Variants in FAM227B observed in about 807,000 individuals in gnomAD.
FAM227B encodes protein FAM227B.
Under a neutral mutation model 73.8 loss-of-function variants are expected in FAM227B, and 88 were observed. The observed-to-expected ratio is 1.19, with a 90% CI of 1.00 to 1.42. FAM227B has a LOEUF of 1.42. Among genes scored for constraint, FAM227B ranks in the 40% most tolerant of loss-of-function variants. The pLI, the probability that FAM227B is intolerant of heterozygous loss-of-function variation, is 0.00. For synonymous variants in FAM227B, 210 were observed against 190.5 expected (o/e 1.10, Z -0.84); for missense variants, 632 against 590.9 (o/e 1.07, Z -0.72).
At chr15:49,458,318 C>A (rs895559013) in intron 11 of FAM227B, among the ~76,000 whole-genome samples, 1 of 151,974 alleles carries the variant, frequency 6.6e-6, no homozygotes, top group African/African-American at 2.4e-5. Context: ...TTTAAATAGT[C>A]ATAATCCACA....
rs754598196 is a variant in FAM227B, at chr15:49,327,993, G to A, written c.*575C>T. On this transcript the variant is annotated 3_prime_UTR_variant, in exon 16 of 16. Transcript: ENST00000299338. ...GGGTCACGACTTACTGGAGCAGGAT[G>A]GGGAGGCTGCACAGTATCAATGGTA... 1 of 1,613,740 alleles carries A rather than the reference G, an allele frequency of 6.2e-7. No individual in the cohort carries two copies. Among genetic ancestry groups the A allele is most frequent in the African/African-American group, 1.3e-5 (1 of 74,894 alleles).
At chr15:49,386,972 A>AT (rs1224523408) in intron 11 of FAM227B, among the ~76,000 whole-genome samples, 1 of 151,896 alleles carries the variant, frequency 6.6e-6, no homozygotes, top group Non-Finnish European at 1.5e-5. Context: ...GAAAAGACTA[A>AT]TAAGAAGCAG....
At chr15:49,371,261 A>T (rs1197980077) in intron 12 of FAM227B, 41 bp downstream of exon 12, 2 of 1,248,762 alleles carry the variant, frequency 1.6e-6, no homozygotes, top group Non-Finnish European at 2.3e-6. Context: ...ATTGCAAATT[A>T]AACAAGTAAG....
intron 13 of FAM227B, among the ~76,000 whole-genome samples, chr15:49,361,295 A>G (rs1016980155): frequency 6.6e-6 from 1 of 152,102 alleles, no homozygotes; most frequent in Non-Finnish European, 1.5e-5. Context: ...GGTTTGTTAC[A>G]TAGGTAAATT....
At chr15:49,394,474 G>A (rs1018552938) in intron 11 of FAM227B, among the ~76,000 whole-genome samples, 1 of 152,102 alleles carries the variant, frequency 6.6e-6, no homozygotes, top group Non-Finnish European at 1.5e-5. Flanking sequence ...TAGGTGCATG[G>A]GAGAAATAAA....
chr15:49,401,881 C>T (rs1249219212), intron 11 of FAM227B, among the ~76,000 whole-genome samples: 25 of 134,990 alleles, frequency 1.9e-4, no homozygotes, highest in South Asian at 1.1e-3. Flanking sequence ...GGGATAGCAT[C>T]GGGAGATATA....
chr15:49,448,862 A>T (rs1004325262), intron 11 of FAM227B, among the ~76,000 whole-genome samples: 5 of 151,838 alleles, frequency 3.3e-5, no homozygotes, highest in Admixed American at 2.6e-4. Flanking sequence ...TTTCTTTAGC[A>T]GTCGATTCCA....
chr15:49,570,064 C>T (rs2074980353), intron 8 of FAM227B, among the ~76,000 whole-genome samples: 1 of 151,912 alleles, frequency 6.6e-6, no homozygotes. Flanking sequence ...AGGTTGATTT[C>T]CTGTCTTAGC....
chr15:49,413,369 T>C (rs985028900), intron 11 of FAM227B, among the ~76,000 whole-genome samples: 3 of 152,094 alleles, frequency 2.0e-5, no homozygotes, highest in Non-Finnish European at 4.4e-5. Flanking sequence ...CCTCCTTGTC[T>C]TCCACCATGA....
At chr15:49,383,390 T>G (rs1287816986) in intron 11 of FAM227B, among the ~76,000 whole-genome samples, 1 of 152,130 alleles carries the variant, frequency 6.6e-6, no homozygotes, top group East Asian at 1.9e-4. Context: ...AGCAGTAAAC[T>G]ATTTTTAAAT....
intron 11 of FAM227B, among the ~76,000 whole-genome samples, chr15:49,507,620 A>T (rs2058676091): frequency 6.6e-6 from 1 of 152,146 alleles, no homozygotes; most frequent in Non-Finnish European, 1.5e-5. Flanking sequence ...TGGTCCTGGC[A>T]CAAGAATTTG....
chr15:49,600,430 G>C (rs942988617), intron 3 of FAM227B, among the ~76,000 whole-genome samples: 6 of 151,032 alleles, frequency 4.0e-5, no homozygotes, highest in African/African-American at 1.5e-4. Context: ...AAGGCGGGTG[G>C]GTCACCCGAG....
At chr15:49,472,520 G>T (rs2054869505) in intron 11 of FAM227B, among the ~76,000 whole-genome samples, 1 of 152,162 alleles carries the variant, frequency 6.6e-6, no homozygotes, top group East Asian at 1.9e-4. Context: ...ACTGGGAAAT[G>T]GAAAGTTTAT....
chr15:49,594,964 G>A (rs2076807087), intron 3 of FAM227B, among the ~76,000 whole-genome samples: 1 of 152,030 alleles, frequency 6.6e-6, no homozygotes. Context: ...TGTGAAGAAT[G>A]ATTATGTTAT....
chr15:49,355,838 G>C (rs902238349), intron 13 of FAM227B, among the ~76,000 whole-genome samples: 1 of 152,158 alleles, frequency 6.6e-6, no homozygotes, highest in East Asian at 1.9e-4. Context: ...GGCAGCTAGA[G>C]AGAAAGGTCG....
chr15:49,478,905 T>C (rs1188377381), intron 11 of FAM227B, among the ~76,000 whole-genome samples: 1 of 152,190 alleles, frequency 6.6e-6, no homozygotes, highest in African/African-American at 2.4e-5. Flanking sequence ...TTAGTATCAA[T>C]TTCTGAAATA....
chr15:49,596,987 C>A (rs1184441833), intron 3 of FAM227B, among the ~76,000 whole-genome samples: 1 of 151,890 alleles, frequency 6.6e-6, no homozygotes, highest in Non-Finnish European at 1.5e-5. Flanking sequence ...TACTACTATA[C>A]CTAAAAAATG....
intron 11 of FAM227B, 147 bp from the exon 12 acceptor site, chr15:49,371,546 C>G (rs2045806572): frequency 1.0e-5 from 4 of 391,170 alleles, no homozygotes. Context: ...ATTGTTACAA[C>G]TTGTCCCAAA....
At chr15:49,593,099 C>A in intron 3 of FAM227B, among the ~76,000 whole-genome samples, 1 of 152,294 alleles carries the variant, frequency 6.6e-6, no homozygotes, top group African/African-American at 2.4e-5. Flanking sequence ...GTCACGGCTT[C>A]CCTTGACTAG....
Sources: gnomAD v4.1 joint callset for allele counts (sites outside exome capture counted in the v4.1 genomes callset) on GRCh38, gnomAD v4.1.1 for gene constraint, MANE v1.5 for transcripts, NCBI Gene and HGNC (gene_info 2026-07-23, HGNC 2026-07-21) for gene names.